QSOX1: variants seen among roughly 807,000 people sequenced by gnomAD.
QSOX1 encodes quiescin sulfhydryl oxidase 1.
Under a neutral mutation model 76.1 loss-of-function variants are expected in QSOX1, and 40 were observed. The observed-to-expected ratio is 0.53, with a 90% CI of 0.41 to 0.68. The LOEUF is 0.68. QSOX1 is among the 30% of genes least tolerant of loss of function. QSOX1 has a pLI of 0.00. For missense variants in QSOX1, 931 were observed against 974.3 expected (o/e 0.96, Z 0.59); for synonymous variants, 392 against 413.1 (o/e 0.95, Z 0.62).
At position 180,184,015 on chromosome 1, in the gene QSOX1, C is replaced by A. The variant is rs1207956213; in HGVS notation, c.852C>A (p.Asn284Lys). The A allele has an allele frequency of 6.2e-7, 1 of 1,614,222 alleles. No individual in the cohort carries two copies. Among genetic ancestry groups the A allele is most frequent in the South Asian group, 1.1e-5 (1 of 91,086 alleles). ...CCACAGTTGCACCAACCACTGCTAA[C>A]AAGATAGCTCCCACTGTTTGGAAAT... Reference protein sequence around the residue: ...AQTTVAPTTANKIAPTVWKLA... With the variant: ...AQTTVAPTTAKKIAPTVWKLA... The change falls in exon 7 of 12, where the codon AAC becomes AAA. Residue 284 changes from asparagine to lysine, a missense_variant. Physicochemically the swap from Asn to Lys is moderately conservative, Grantham distance 94 (BLOSUM62 0). Transcript: ENST00000367602.
chr1:180,182,062 T>A, intron 5 of QSOX1, 112 bp from the exon 6 acceptor site: 1 of 1,081,402 alleles, frequency 9.2e-7, no homozygotes, highest in East Asian at 2.5e-5. Flanking sequence ...GTTTAGAGTC[T>A]GGAAGGAGCA....
intron 5 of QSOX1, among the ~76,000 whole-genome samples, chr1:180,181,328 C>G (rs959946491): frequency 2.6e-5 from 4 of 152,162 alleles, no homozygotes; most frequent in South Asian, 2.1e-4. Flanking sequence ...TTGCAGATGG[C>G]CTGTCCGATT....
Position 180,196,233 on chromosome 1 carries a change from C to A in QSOX1, c.1469-29C>A. The A allele has an allele frequency of 6.3e-7, 1 of 1,585,630 alleles. No individual in the cohort carries two copies. Among genetic ancestry groups the A allele is most frequent in the Non-Finnish European group, 8.6e-7 (1 of 1,161,690 alleles). On this transcript the variant is annotated intron_variant, in intron 11 of 11. Transcript: ENST00000367602. This position sits in a 1 kb window ranked among gnomAD's most constrained non-coding sequence, Gnocchi z 4.1. ...GGTTTTTGGGTGGGACTGATGTCAC[C>A]ACCAGCCTGTGTATGCTTCCCTCTG...
Position 180,186,165 on chromosome 1 carries a change from G to C in QSOX1, c.1000G>C (p.Val334Leu), listed in dbSNP as rs1663166035. 5.6e-6 allele frequency: 9 copies of C among 1,613,558 alleles called. No homozygotes were observed. Among genetic ancestry groups the C allele is most frequent in the Admixed American group, 1.7e-5 (1 of 59,996 alleles). Residue 334 changes from valine to leucine, a missense_variant, in exon 8 of 12, where the codon GTG (valine) becomes CTG (leucine). Val to Leu is a conservative substitution (Grantham distance 32). Transcript: ENST00000367602. ...GCGCCTGGTGGCCCTGAAAAAGTTT[G>C]TGGCAGTGCTGGCCAAGGTGAGCAG... ...GQRLVALKKF[V>L]AVLAKYFPGR...
At position 180,201,892 on chromosome 1, in the gene QSOX1, C is replaced by G. The variant is rs1464527002; in HGVS notation, c.*4855C>G. On this transcript the variant is annotated 3_prime_UTR_variant, in exon 12 of 12. Transcript: ENST00000367602. ...CTGCAGAGGAGGCCCCACTCGCAGC[C>G]TTGGCCTCTGCCCTGCAGAAGAATT... 6.6e-6 allele frequency: 1 copy of G among 152,298 alleles called. No individual in the cohort carries two copies. Among genetic ancestry groups the G allele is most frequent in the African/African-American group, 2.4e-5 (1 of 41,460 alleles). 9.4% of individuals were successfully genotyped at this position (152,298 alleles called of 1,614,324 possible). A position where few individuals can be genotyped will look rare whatever the true frequency, so the allele number is the denominator to read the frequency against.
intron 4 of QSOX1, among the ~76,000 whole-genome samples, chr1:180,177,652 G>A (rs1274158244): frequency 2.0e-5 from 3 of 152,192 alleles, no homozygotes; most frequent in Admixed American, 2.0e-4. Flanking sequence ...GTGGGGAAAG[G>A]GGTACTGGCC....
Position 180,184,049 on chromosome 1 carries a change from C to G in QSOX1, c.886C>G (p.Arg296Gly). ...TCCCACTGTTTGGAAATTGGCAGATCGGTAAGGCTACGCCTGGTTCTCCTC... is the reference window on the plus strand; with the variant it reads ...TCCCACTGTTTGGAAATTGGCAGATGGGTAAGGCTACGCCTGGTTCTCCTC... ...IAPTVWKLAD[R>G]SKIYMADLES... The change falls in exon 7 of 12, where the codon CGC becomes GGC. Residue 296 changes from arginine to glycine, a missense_variant and splice_region_variant. Transcript: ENST00000367602. The G allele has an allele frequency of 6.2e-7, 1 of 1,614,124 alleles. No homozygotes were observed. Among genetic ancestry groups the G allele is most frequent in the Non-Finnish European group, 8.5e-7 (1 of 1,179,992 alleles).
At position 180,155,113 on chromosome 1, in the gene QSOX1, G is replaced by C. The variant is rs921960050; in HGVS notation, c.206G>C (p.Trp69Ser). The change falls in exon 1 of 12, where the codon TGG becomes TCG. Residue 69 changes from tryptophan (W) to serine (S), a missense_variant. Coordinates refer to ENST00000367602, the MANE Select transcript of QSOX1 (RefSeq NM_002826.5). ...SAWAVEFFAS[W>S]CGHCIAFAPT... is the part of the protein sequence containing the mutation. ...TGGGCCGTGGAGTTCTTCGCCTCCTGGTGCGGCCACTGCATCGCCTTCGCC... is the reference window on the plus strand; with the variant it reads ...TGGGCCGTGGAGTTCTTCGCCTCCTCGTGCGGCCACTGCATCGCCTTCGCC... 1 of 1,522,414 alleles carries C rather than the reference G, an allele frequency of 6.6e-7. No individual in the cohort carries two copies. 94.3% of individuals were successfully genotyped at this position (1,522,414 alleles called of 1,614,324 possible).
chr1:180,175,527 C>T (rs1662867915), intron 3 of QSOX1, among the ~76,000 whole-genome samples, 161 bp downstream of exon 3: 2 of 152,184 alleles, frequency 1.3e-5, no homozygotes, highest in East Asian at 1.9e-4. Context: ...AAACTATCCT[C>T]CCAGTCAGCT....
At chr1:180,195,379 G>A (rs182184452) in intron 11 of QSOX1, among the ~76,000 whole-genome samples, 21 of 152,264 alleles carry the variant, frequency 1.4e-4, no homozygotes, top group Admixed American at 1.2e-3. Context: ...CCTTGACTCT[G>A]CTTGTTGTCC....
intron 1 of QSOX1, among the ~76,000 whole-genome samples, chr1:180,162,810 C>T (rs1662523740): frequency 6.6e-6 from 1 of 152,146 alleles, no homozygotes; most frequent in African/African-American, 2.4e-5. Context: ...TGTGAAGTCA[C>T]AGTCATTCAT....
rs184022253 is a variant in QSOX1 at position 180,198,324 on chromosome 1, T to C, written c.*1287T>C. On this transcript the variant is annotated 3_prime_UTR_variant, in exon 12 of 12. Transcript: ENST00000367602. ...AGGGAGAAGCCTGTCTGCACCTGCC[T>C]AATTCCAGCTCCTCCAGGAAGCAAG... The C allele has an allele frequency of 2.3e-3, 1,050 of 456,662 alleles. 8 individuals are homozygous for C. The highest frequency in any genetic ancestry group is 0.017 in the Middle Eastern group (53 of 3,076). 28.3% of individuals were successfully genotyped at this position (456,662 alleles called of 1,614,324 possible). A position where few individuals can be genotyped will look rare whatever the true frequency, so the allele number is the denominator to read the frequency against.
At chr1:180,194,920 C>T (rs1488544784) in intron 11 of QSOX1, among the ~76,000 whole-genome samples, 3 of 145,124 alleles carry the variant, frequency 2.1e-5, no homozygotes, top group Admixed American at 7.1e-5. Flanking sequence ...GGAGCTGGGT[C>T]GGGAGGGAGC....
intron 2 of QSOX1, among the ~76,000 whole-genome samples, chr1:180,173,612 A>G (rs1268142646): frequency 3.3e-5 from 5 of 152,268 alleles, no homozygotes; most frequent in African/African-American, 1.2e-4. Context: ...GGGGAGAGAC[A>G]GGTGGCTTCT....
Position 180,178,856 on chromosome 1 carries a change from A to C in QSOX1, c.578A>C (p.Glu193Ala), listed in dbSNP as rs374581260. 2 of 1,613,692 alleles carry C rather than the reference A, an allele frequency of 1.2e-6. No individual in the cohort carries two copies. Among genetic ancestry groups the C allele is most frequent in the East Asian group, 2.2e-5 (1 of 44,880 alleles). The change falls in exon 5 of 12, where the codon GAA becomes GCA. Residue 193 changes from glutamate (E) to alanine (A), a missense_variant. Physicochemically the swap from Glu to Ala is moderately radical, Grantham distance 107. Coordinates refer to ENST00000367602, the MANE Select transcript of QSOX1 (RefSeq NM_002826.5). ...GAAGAGTACCTGGCTCTGATCTTTG[A>C]AAAGGGAGGCTCCTACCTGGGTAGA... Reference protein sequence around the residue: ...NNEEYLALIFEKGGSYLGREV... With the variant: ...NNEEYLALIFAKGGSYLGREV...
chr1:180,194,116 A>G, intron 10 of QSOX1, 97 bp from the exon 11 acceptor site: 1 of 1,229,362 alleles, frequency 8.1e-7, no homozygotes, highest in Non-Finnish European at 1.1e-6. Flanking sequence ...AGGGGTGGCC[A>G]CGGCAGGATG....
At chr1:180,182,099 G>C in intron 5 of QSOX1, 75 bp from the exon 6 acceptor site, 1 of 1,539,828 alleles carries the variant, frequency 6.5e-7, no homozygotes, top group Non-Finnish European at 8.9e-7. Context: ...GCCTTCACAG[G>C]TCACCGAGCT....
At chr1:180,175,220 C>G (rs1347873467) in intron 2 of QSOX1, 101 bp from the exon 3 acceptor site, 1 of 1,055,682 alleles carries the variant, frequency 9.5e-7, no homozygotes, top group Non-Finnish European at 1.5e-6. Context: ...ATTTGCCCAG[C>G]CACCGCATTG....
chr1:180,161,757 C>T (rs1424135045), intron 1 of QSOX1, among the ~76,000 whole-genome samples: 1 of 152,212 alleles, frequency 6.6e-6, no homozygotes, highest in Non-Finnish European at 1.5e-5. Context: ...CATAATTCTT[C>T]ATTAGTTCAT....
Sources: allele counts gnomAD v4.1 joint callset (sites outside exome capture counted in the v4.1 genomes callset), GRCh38; gene constraint gnomAD v4.1.1; non-coding constraint Gnocchi (gnomAD v3.1); transcripts MANE v1.5; gene names NCBI Gene and HGNC (gene_info 2026-07-23, HGNC 2026-07-21).